PCDH15: variants seen among roughly 807,000 people sequenced by gnomAD.
PCDH15 encodes protocadherin related 15.
A neutral mutation model predicts 178.5 loss-of-function variants in PCDH15; 129 were observed. That is an observed-to-expected ratio of 0.72 (90% CI 0.63 to 0.84). PCDH15 has a LOEUF of 0.84. Ranked by LOEUF, PCDH15 falls within the 40% of genes least tolerant of loss-of-function variation. The pLI is 0.00. For synonymous variants in PCDH15, 800 were observed against 732.0 expected, an observed-to-expected ratio of 1.09 and a Z score of -1.50; for missense variants, 2,230 against 2,099.9, an observed-to-expected ratio of 1.06 and a Z score of -1.21.
chr10:54,676,727 T>G (rs2135574966), intron 1 of PCDH15, among the ~76,000 whole-genome samples: 1 of 152,318 alleles, frequency 6.6e-6, no homozygotes, highest in South Asian at 2.1e-4. Context: ...CTTTCTAAAC[T>G]ATGAAAAGTC....
chr10:54,502,622 T>TG (rs1367632656), intron 3 of PCDH15, among the ~76,000 whole-genome samples: 1 of 152,148 alleles, frequency 6.6e-6, no homozygotes, highest in Non-Finnish European at 1.5e-5. Flanking sequence ...TGGTTTAACA[T>TG]GTACTTGTTG....
chr10:54,026,809 T>C (rs1008911258), intron 18 of PCDH15, among the ~76,000 whole-genome samples: 3 of 152,150 alleles, frequency 2.0e-5, no homozygotes, highest in African/African-American at 7.2e-5. Context: ...AAGAGCTATC[T>C]ATGACAAACC....
At chr10:54,747,963 G>A (rs1945687949) in intron 1 of PCDH15, among the ~76,000 whole-genome samples, 1 of 151,882 alleles carries the variant, frequency 6.6e-6, no homozygotes, top group African/African-American at 2.4e-5. Context: ...CCGCCACCAC[G>A]CCCGGCTAAT....
At chr10:55,273,104 G>T (rs1029590029) in intron 1 of PCDH15, among the ~76,000 whole-genome samples, 1 of 152,042 alleles carries the variant, frequency 6.6e-6, no homozygotes, top group Non-Finnish European at 1.5e-5. Flanking sequence ...AACTGTGAAA[G>T]AATGTTCCTG....
chr10:55,448,813 T>C (rs75414726), intron 2 of PCDH15, among the ~76,000 whole-genome samples: 3,386 of 152,116 alleles, frequency 0.022, 125 homozygotes, highest in African/African-American at 0.077. Flanking sequence ...AACTTCAAAA[T>C]TGAAAACAAT....
At chr10:54,783,460 G>A (rs369501703) in intron 1 of PCDH15, among the ~76,000 whole-genome samples, 70 of 152,048 alleles carry the variant, frequency 4.6e-4, no homozygotes, top group African/African-American at 1.4e-3. Flanking sequence ...AAAAAAGAAA[G>A]CAAAGTAAAC....
chr10:55,213,102 T>G (rs962615596), intron 1 of PCDH15, among the ~76,000 whole-genome samples: 30 of 152,268 alleles, frequency 2.0e-4, no homozygotes, highest in African/African-American at 7.2e-4. Flanking sequence ...TACTGAACTG[T>G]GAGTCGCAAT....
Position 55,106,154 on chromosome 10 carries a change from T to C in PCDH15, c.-80+60422A>G, listed in dbSNP as rs574879637. On this transcript the variant is annotated intron_variant, in intron 2 of 5. Coordinates refer to the PCDH15 transcript ENST00000458638. ...GCTACAGCTGGTTTACAAGATAGGA[T>C]TGAAATATTTTCAGGAATTTATCAG... Among the ~76,000 whole-genome samples, 6 of 152,264 alleles carry C rather than the reference T, an allele frequency of 3.9e-5. No individual in the cohort carries two copies. In the South Asian group the frequency reaches 8.3e-4, roughly 21 times the overall value.
At chr10:54,875,814 T>C (rs866945140) in intron 3 of PCDH15, among the ~76,000 whole-genome samples, 14 of 152,272 alleles carry the variant, frequency 9.2e-5, no homozygotes, top group Admixed American at 2.6e-4. Flanking sequence ...AAAGAAACCA[T>C]GTTCATAACA....
Position 55,313,219 on chromosome 10 carries a change from AC to A in PCDH15, c.-156+6379del, listed in dbSNP as rs1470088319. ...TTTGAGGAGAAGATATTGAAAAAAA[AC>A]AAAACTGTTTAGAACCTTAAAATAT... On this transcript the variant is annotated intron_variant, in intron 1 of 5. Coordinates refer to the PCDH15 transcript ENST00000458638. 3.5e-4 allele frequency among the ~76,000 whole-genome samples: 53 copies of A among 152,268 alleles called. No individual in the cohort carries two copies. In the East Asian group the frequency reaches 8.5e-3, roughly 24 times the overall value.
intron 2 of PCDH15, among the ~76,000 whole-genome samples, chr10:54,968,680 T>C (rs1367603145): frequency 6.6e-6 from 1 of 152,122 alleles, no homozygotes; most frequent in Non-Finnish European, 1.5e-5. Flanking sequence ...GTAGAGTCTG[T>C]CGAATCTGGA....
chr10:54,375,834 G>T (rs1565118416), intron 4 of PCDH15, among the ~76,000 whole-genome samples: 1 of 137,526 alleles, frequency 7.3e-6, no homozygotes, highest in Non-Finnish European at 1.6e-5. Flanking sequence ...TTTTGAAATG[G>T]AATATATATA....
intron 2 of PCDH15, among the ~76,000 whole-genome samples, chr10:54,997,639 C>T (rs773410135): frequency 1.3e-5 from 2 of 152,112 alleles, no homozygotes; most frequent in Non-Finnish European, 2.9e-5. Flanking sequence ...TTAATAAAAA[C>T]AGCTAAATCT....
chr10:54,638,099 C>T (rs1270208702), intron 2 of PCDH15, among the ~76,000 whole-genome samples: 1 of 151,942 alleles, frequency 6.6e-6, no homozygotes, highest in Non-Finnish European at 1.5e-5. Context: ...CCCCCTCCAC[C>T]CTGTGTCACA....
rs1290641259 is a variant in PCDH15 at position 54,421,891 on chromosome 10, CACACTATATATATATAT to C, written c.158-42966_158-42950del. Among the ~76,000 whole-genome samples, 70 of 80,260 alleles carry C rather than the reference CACACTATATATATATAT, an allele frequency of 8.7e-4. 2 individuals are homozygous for C. Among genetic ancestry groups the C allele is most frequent in the Non-Finnish European group, 9.8e-4 (40 of 40,708 alleles). 52.7% of individuals were successfully genotyped at this position (80,260 alleles called of 152,430 possible). ...CACACTATATATATATATACACACA[CACACTATATATATATAT>C]ACACTATATATATATATACACTATA... On this transcript the variant is annotated intron_variant, in intron 3 of 37. Transcript: ENST00000644397.
intron 1 of PCDH15, among the ~76,000 whole-genome samples, chr10:54,731,593 CAT>C (rs1491086043): frequency 0.019 from 2,439 of 130,278 alleles, 62 homozygotes; most frequent in African/African-American, 0.047. Flanking sequence ...CACACACACA[CAT>C]ATATATATAG....
intron 2 of PCDH15, among the ~76,000 whole-genome samples, chr10:55,334,600 C>G (rs1844328849): frequency 6.6e-6 from 1 of 151,860 alleles, no homozygotes. Flanking sequence ...AGCCATGGTG[C>G]CCGGCTGGGT....
chr10:54,585,612 G>GT, intron 2 of PCDH15: 1 of 47,468 alleles, frequency 2.1e-5, no homozygotes, highest in Admixed American at 1.9e-4. Flanking sequence ...CTAGCAATAT[G>GT]TGTTTTTTTT....
At position 55,610,886 on chromosome 10, in the gene PCDH15, A is replaced by T. The variant is rs74438453; in HGVS notation, c.-156+16739T>A. Among the ~76,000 whole-genome samples the T allele has an allele frequency of 4.9e-3, 743 of 152,188 alleles. 3 individuals carry two copies. Among genetic ancestry groups the T allele is most frequent in the Non-Finnish European group, 7.6e-3 (516 of 67,936 alleles). ...TGGTTGTCTAAGGCACCTAAACTCAATATGATGTTTTAGCTAAAAAGAGTG... is the reference window on the plus strand; with the variant it reads ...TGGTTGTCTAAGGCACCTAAACTCATTATGATGTTTTAGCTAAAAAGAGTG... On this transcript the variant is annotated intron_variant, in intron 2 of 5. Coordinates refer to the PCDH15 transcript ENST00000613346.
Sources: allele counts gnomAD v4.1 joint callset (sites outside exome capture counted in the v4.1 genomes callset), GRCh38; gene constraint gnomAD v4.1.1; transcripts MANE v1.5; gene names NCBI Gene and HGNC (gene_info 2026-07-23, HGNC 2026-07-21).